The following EPM2A variants were observed in gnomAD, a reference collection of about 807,000 sequenced individuals.
EPM2A encodes EPM2A glucan phosphatase, laforin.
EPM2A carries 21 observed loss-of-function variants against 26.5 expected under a neutral mutation model. That is an observed-to-expected ratio of 0.79 (90% confidence interval 0.56 to 1.14). The LOEUF (loss-of-function observed/expected upper bound fraction) is 1.14, where lower values mean the gene tolerates loss of function less well. EPM2A is among the 50% of genes most tolerant of loss of function. The pLI, the probability that EPM2A is intolerant of heterozygous loss-of-function variation, is 0.00. For synonymous variants in EPM2A, 217 were observed against 177.6 expected, an observed-to-expected ratio of 1.22 and a Z score of -1.76; for missense variants, 458 against 440.8, an observed-to-expected ratio of 1.04 and a Z score of -0.35.
At chr6:145,536,857 T>C (rs1176292555) in intron 2 of EPM2A, among the ~76,000 whole-genome samples, 1 of 152,238 alleles carries the variant, frequency 6.6e-6, no homozygotes, top group Non-Finnish European at 1.5e-5. Context: ...ACTTGAATTT[T>C]GGCAGTGACT....
At chr6:145,515,040 GA>G (rs1780106188) in intron 2 of EPM2A, among the ~76,000 whole-genome samples, 1 of 152,172 alleles carries the variant, frequency 6.6e-6, no homozygotes, top group Non-Finnish European at 1.5e-5. Flanking sequence ...ATTACAGTGG[GA>G]AAAACTTCCA....
rs1268441885 is a variant in EPM2A, at chr6:145,610,647, CA to C, written c.340+24597del. Among the ~76,000 whole-genome samples the C allele has an allele frequency of 2.0e-5, 3 of 152,270 alleles. No homozygotes were observed. In the East Asian group the frequency reaches 5.8e-4, roughly 29 times the overall value. ...TGTTCAAAATGTGAAATTACTAGTA[CA>C]AAAAGATTTCTAGGTCTTGTTTTCT... is the stretch of plus-strand genomic sequence containing the variant. On this transcript the variant is annotated intron_variant, in intron 2 of 3. Coordinates refer to the EPM2A transcript ENST00000450221.
chr6:145,455,478 C>A (rs1779252345), intron 4 of EPM2A, among the ~76,000 whole-genome samples: 1 of 152,090 alleles, frequency 6.6e-6, no homozygotes, highest in Non-Finnish European at 1.5e-5. Context: ...TTGCCTCAGC[C>A]TCCTGAGCAG....
intron 2 of EPM2A, among the ~76,000 whole-genome samples, chr6:145,680,795 T>C (rs1390551557): frequency 1.3e-5 from 2 of 152,200 alleles, no homozygotes; most frequent in Admixed American, 1.3e-4. Context: ...CTATCATTGT[T>C]GGACATTTGG....
In EPM2A at chr6:145,460,470, T is replaced by G. The variant is rs1250895316; in HGVS notation, c.555+42052A>C. On this transcript the variant is annotated intron_variant, in intron 4 of 4. Transcript: ENST00000638717. ...GCTGGCTTTTAATCTTGCACTAAAC[T>G]GGATGGAGGTGGGTAAGATAAGTAT... 2.6e-5 allele frequency among the ~76,000 whole-genome samples: 4 copies of G among 152,180 alleles called. No homozygotes were observed. In the South Asian group the frequency reaches 8.3e-4, roughly 31 times the overall value.
chr6:145,625,875 AAAGG>A lies in EPM2A; in HGVS notation c.*1537_*1540del, dbSNP rs1331031588. 2 of 1,492,332 alleles carry A rather than the reference AAAGG, an allele frequency of 1.3e-6. No individual in the cohort carries two copies. Among genetic ancestry groups the A allele is most frequent in the Non-Finnish European group, 1.8e-6 (2 of 1,118,976 alleles). 92.4% of individuals were successfully genotyped at this position (1,492,332 alleles called of 1,614,324 possible). ...ATCTATCAATATGTGTTTGTGGAAGAAAGGAAGGTGCAGAAAAATAAATACGCAT... is the reference window on the plus strand; with the variant it reads ...ATCTATCAATATGTGTTTGTGGAAGAAAGGTGCAGAAAAATAAATACGCAT... On this transcript the variant is annotated 3_prime_UTR_variant, in exon 4 of 4. Transcript: ENST00000367519.
intron 4 of EPM2A, among the ~76,000 whole-genome samples, chr6:145,398,081 G>C (rs1778430227): frequency 7.0e-6 from 1 of 143,516 alleles, no homozygotes; most frequent in Non-Finnish European, 1.5e-5. Flanking sequence ...TGTTTTAATT[G>C]TTATATCTGT....
intron 2 of EPM2A, among the ~76,000 whole-genome samples, chr6:145,540,335 TCTCAGATCTCAGC>T (rs1471757261): frequency 6.6e-6 from 1 of 152,168 alleles, no homozygotes; most frequent in Non-Finnish European, 1.5e-5. Flanking sequence ...AGTTCTGAAT[TCTCAGATCTCAGC>T]TTGGGTTGAG....
At position 145,626,919 on chromosome 6, in the gene EPM2A, C is replaced by T; in HGVS notation, c.*497G>A. ...AGTCCTGAAAGCCATCACTTTTTGA[C>T]CATAGTGAGCTCTTCTTTTGTAACG... On this transcript the variant is annotated 3_prime_UTR_variant, in exon 4 of 4. Transcript: ENST00000367519. 1 of 1,002,104 alleles carries T rather than the reference C, an allele frequency of 1.0e-6. No individual in the cohort carries two copies. Among genetic ancestry groups the T allele is most frequent in the Non-Finnish European group, 1.2e-6 (1 of 838,950 alleles). The allele number at this position is 1,002,104 out of a possible 1,614,324, so 62.1% of individuals were successfully genotyped here.
At chr6:145,678,420 A>C (rs1467428711) in intron 2 of EPM2A, among the ~76,000 whole-genome samples, 3 of 152,252 alleles carry the variant, frequency 2.0e-5, no homozygotes, top group African/African-American at 4.8e-5. Flanking sequence ...TAAACTAAAG[A>C]GCTTCTGCAC....
intron 1 of EPM2A, among the ~76,000 whole-genome samples, chr6:145,700,895 T>C (rs73579498): frequency 0.067 from 10,157 of 152,208 alleles, 1,143 homozygotes; most frequent in African/African-American, 0.23. Context: ...AAACCATCCC[T>C]GATAGCTTCA....
chr6:145,604,395 T>C (rs1417165456), intron 2 of EPM2A, among the ~76,000 whole-genome samples: 1 of 152,114 alleles, frequency 6.6e-6, no homozygotes, highest in African/African-American at 2.4e-5. Context: ...GTCTCACTTT[T>C]AACAAATTTG....
At chr6:145,682,558 C>T (rs1189256613) in intron 2 of EPM2A, 1 of 152,126 alleles carries the variant, frequency 6.6e-6, no homozygotes, top group Non-Finnish European at 1.5e-5. Context: ...AAATATTTAA[C>T]TGTATTGCAG....
chr6:145,440,579 G>A (rs958365649), intron 4 of EPM2A, among the ~76,000 whole-genome samples: 12 of 152,170 alleles, frequency 7.9e-5, no homozygotes, highest in African/African-American at 1.4e-4. Flanking sequence ...TTCTGCCTAT[G>A]AGCCTGTAAA....
intron 2 of EPM2A, among the ~76,000 whole-genome samples, chr6:145,615,524 T>C (rs1775488576): frequency 6.6e-6 from 1 of 152,060 alleles, no homozygotes; most frequent in South Asian, 2.1e-4. Flanking sequence ...GGGGTGCTGC[T>C]GTAAATACCT....
downstream of EPM2A, among the ~76,000 whole-genome samples, chr6:145,499,829 G>C (rs1335523754): frequency 1.3e-5 from 2 of 152,124 alleles, no homozygotes; most frequent in African/African-American, 4.8e-5. Flanking sequence ...TGTATATTTT[G>C]GAAAAATGAA....
intron 2 of EPM2A, among the ~76,000 whole-genome samples, chr6:145,592,188 G>A (rs1362569893): frequency 3.3e-5 from 4 of 122,784 alleles, no homozygotes; most frequent in Non-Finnish European, 4.8e-5. Flanking sequence ...AGGCCCAGGT[G>A]TGTGATGTTC....
At chr6:145,707,320 C>T (rs1278150199) in intron 1 of EPM2A, among the ~76,000 whole-genome samples, 1 of 151,842 alleles carries the variant, frequency 6.6e-6, no homozygotes. Flanking sequence ...TAGGAAGTGG[C>T]AGGGGAAGAG....
intron 2 of EPM2A, among the ~76,000 whole-genome samples, chr6:145,668,517 T>A (rs966780484): frequency 2.6e-5 from 4 of 152,188 alleles, no homozygotes; most frequent in African/African-American, 9.6e-5. Context: ...TTGGCATTCA[T>A]TTGTATCCTT....
Sources: gnomAD v4.1 joint callset for allele counts (sites outside exome capture counted in the v4.1 genomes callset) on GRCh38, gnomAD v4.1.1 for gene constraint, MANE v1.5 for transcripts, NCBI Gene and HGNC (gene_info 2026-07-23, HGNC 2026-07-21) for gene names.